Variants in RBM24 observed in about 807,000 individuals in gnomAD.
RBM24 encodes RNA binding motif protein 24, also known as RNA-binding protein 24.
RBM24 carries 5 observed loss-of-function variants against 23.6 expected under a neutral mutation model. That is an observed-to-expected ratio of 0.21 (90% CI 0.11 to 0.45). The LOEUF (loss-of-function observed/expected upper bound fraction) is 0.45. Ranked by LOEUF, RBM24 falls within the 20% of genes least tolerant of loss-of-function variation. The pLI is 0.99. For missense variants in RBM24, 252 were observed against 314.6 expected, an observed-to-expected ratio of 0.80 and a Z score of 1.51; for synonymous variants, 151 against 129.5, an observed-to-expected ratio of 1.17 and a Z score of -1.13.
chr6:17,290,118 G>A (rs1467700441), intron 3 of RBM24: 1 of 1,280,410 alleles, frequency 7.8e-7, no homozygotes, highest in East Asian at 5.6e-5. Context: ...ACTACCCTCT[G>A]AGATAAATTC....
chr6:17,284,289 A>T (rs552582102), intron 2 of RBM24, among the ~76,000 whole-genome samples: 2 of 152,202 alleles, frequency 1.3e-5, no homozygotes. Context: ...GAACGTTCCA[A>T]ATTACAAAGA....
intron 3 of RBM24, among the ~76,000 whole-genome samples, chr6:17,287,796 G>A (rs938822652): frequency 3.3e-5 from 5 of 151,560 alleles, no homozygotes; most frequent in Non-Finnish European, 5.9e-5. Flanking sequence ...GCGACAGAGC[G>A]AGACTCCATC....
Position 17,282,870 on chromosome 6 carries a change from C to G in RBM24, c.234C>G (p.Gly78=), listed in dbSNP as rs761753343. 6.2e-7 allele frequency: 1 copy of G among 1,614,058 alleles called. No homozygotes were observed. Among genetic ancestry groups the G allele is most frequent in the Non-Finnish European group, 8.5e-7 (1 of 1,180,008 alleles). The change falls in exon 2 of 4, where the codon GGC becomes GGG. Residue 78 remains glycine, a synonymous_variant. Transcript: ENST00000379052. ...AGGATCCCAATCCCATCATTGATGG[C>G]AGAAAGGCCAACGTGAACCTGGCAT... is the stretch of plus-strand genomic sequence containing the variant. ...ACKDPNPIID[G]RKANVNLAYL...
chr6:17,288,774 G>A, intron 3 of RBM24: 1 of 984,612 alleles, frequency 1.0e-6, no homozygotes, highest in African/African-American at 1.7e-5. Context: ...TGGGTTTGAG[G>A]AAAGGTGGAA....
chr6:17,287,777 C>T (rs977178418), intron 3 of RBM24, among the ~76,000 whole-genome samples: 4 of 151,690 alleles, frequency 2.6e-5, no homozygotes, highest in African/African-American at 9.7e-5. Context: ...CCACTGCACT[C>T]CAGCCTGGGC....
Position 17,293,218 on chromosome 6 carries a change from T to C in RBM24, c.*1099T>C, listed in dbSNP as rs1273875791. ...ATACTGTGCCTTAATAGTAATGCTA[T>C]TTAAGATATTTATTTTTAAGTTTTA... On this transcript the variant is annotated 3_prime_UTR_variant, in exon 4 of 4. Transcript: ENST00000379052. 2 of 152,674 alleles carry C rather than the reference T, an allele frequency of 1.3e-5. No individual in the cohort carries two copies. Among genetic ancestry groups the C allele is most frequent in the African/African-American group, 4.8e-5 (2 of 41,468 alleles). The allele number at this position is 152,674 out of a possible 1,614,324, so 9.5% of individuals were successfully genotyped here. A position where few individuals can be genotyped will look rare whatever the true frequency, so the allele number is the denominator to read the frequency against.
At chr6:17,282,416 T>G (rs571795184) in intron 1 of RBM24, 132 of 544,606 alleles carry the variant, frequency 2.4e-4, no homozygotes, top group South Asian at 4.4e-4. Context: ...TGGACTTTCT[T>G]TAAAGCAAAC....
intron 3 of RBM24, chr6:17,290,138 A>G (rs2113409946): frequency 2.4e-6 from 3 of 1,256,386 alleles, no homozygotes; most frequent in African/African-American, 1.5e-5. Context: ...CATCTTTTCC[A>G]TGGATGTTCG....
At chr6:17,288,270 G>A (rs776271459) in intron 3 of RBM24, 39 of 985,268 alleles carry the variant, frequency 4.0e-5, no homozygotes, top group Admixed American at 1.2e-4. Context: ...TAAGAAAGCC[G>A]ATAAGCACCA....
intron 2 of RBM24, 168 bp downstream of exon 2, chr6:17,283,096 T>C: frequency 1.7e-6 from 1 of 583,178 alleles, no homozygotes; most frequent in South Asian, 2.2e-5. Flanking sequence ...GAGTTGTAAA[T>C]ACTCCTCTCA....
Position 17,289,731 on chromosome 6 carries a change from T to A in RBM24, c.348-2025T>A, listed in dbSNP as rs1192286159. On this transcript the variant is annotated intron_variant, in intron 3 of 3. Coordinates refer to ENST00000379052, the MANE Select transcript of RBM24 (RefSeq NM_001143942.2). ...TGATAGATGTTTTACTTTGGCCTTA[T>A]AAAGACATTTTACCCGCTGGAAACC... is the stretch of plus-strand genomic sequence containing the variant. 5 of 1,053,724 alleles carry A rather than the reference T, an allele frequency of 4.7e-6. No individual in the cohort carries two copies. The African/African-American group carries it at 8.4e-5, about 18-fold the overall frequency. 65.3% of individuals were successfully genotyped at this position (1,053,724 alleles called of 1,614,324 possible). A position where few individuals can be genotyped will look rare whatever the true frequency, so the allele number is the denominator to read the frequency against.
At position 17,288,336 on chromosome 6, in the gene RBM24, G is replaced by A. The variant is rs992564031; in HGVS notation, c.348-3420G>A. 17 of 985,300 alleles carry A rather than the reference G, an allele frequency of 1.7e-5. No individual in the cohort carries two copies. The Admixed American group carries it at 3.7e-4, about 21-fold the overall frequency. The allele number at this position is 985,300 out of a possible 1,614,324, so 61.0% of individuals were successfully genotyped here. On this transcript the variant is annotated intron_variant, in intron 3 of 3. Coordinates refer to ENST00000379052, the MANE Select transcript of RBM24 (RefSeq NM_001143942.2). ...AGAGACGAACATCAGGACAATGAGT[G>A]GGATTCAGAAGTCTTCGTGAAGGAA...
intron 3 of RBM24, among the ~76,000 whole-genome samples, chr6:17,287,530 C>T (rs918402942): frequency 6.6e-6 from 1 of 151,990 alleles, no homozygotes; most frequent in Non-Finnish European, 1.5e-5. Context: ...TGGCCAGGTG[C>T]GGTGGCTCAT....
At chr6:17,284,745 G>A in intron 3 of RBM24, 34 bp downstream of exon 3, 1 of 1,536,174 alleles carries the variant, frequency 6.5e-7, no homozygotes, top group African/African-American at 1.4e-5. Context: ...TTAAGTTTCA[G>A]TATGACTATC....
chr6:17,288,974 T>G, intron 3 of RBM24: 1 of 985,432 alleles, frequency 1.0e-6, no homozygotes, highest in South Asian at 4.7e-5. Context: ...GATTAGGATA[T>G]TGCTTCAAAA....
intron 2 of RBM24, chr6:17,283,206 A>T (rs1760083774): frequency 1.3e-5 from 5 of 374,878 alleles, no homozygotes; most frequent in Admixed American, 3.7e-5. Flanking sequence ...ATACATTTGT[A>T]GTCTGCTCTC....
chr6:17,283,503 C>T lies in RBM24; in HGVS notation c.292+575C>T, dbSNP rs1221289661. On this transcript the variant is annotated intron_variant, in intron 2 of 3. Coordinates refer to ENST00000379052, the MANE Select transcript of RBM24 (RefSeq NM_001143942.2). ...CGCGATCTAGGCTCACTGCAACCTC[C>T]GCCTCCTGGGTTCAAGTGATTGTCC... 7.9e-5 allele frequency among the ~76,000 whole-genome samples: 12 copies of T among 152,214 alleles called. No individual in the cohort carries two copies. In the East Asian group the frequency reaches 1.9e-3, roughly 25 times the overall value.
In RBM24 at chr6:17,282,881, A is replaced by T; in HGVS notation, c.245A>T (p.Asn82Ile). ...PNPIIDGRKANVNLAYLGAKP... is the reference protein window; with the variant it reads ...PNPIIDGRKAIVNLAYLGAKP... ...CCCATCATTGATGGCAGAAAGGCCAACGTGAACCTGGCATACTTAGGAGCA... is the reference window on the plus strand; with the variant it reads ...CCCATCATTGATGGCAGAAAGGCCATCGTGAACCTGGCATACTTAGGAGCA... The change falls in exon 2 of 4, where the codon AAC becomes ATC. Residue 82 changes from asparagine (N) to isoleucine (I), a missense_variant. Transcript: ENST00000379052. The T allele has an allele frequency of 6.2e-7, 1 of 1,614,182 alleles. No individual in the cohort carries two copies. Among genetic ancestry groups the T allele is most frequent in the African/African-American group, 1.3e-5 (1 of 75,052 alleles).
chr6:17,290,169 A>G (rs1760314734), intron 3 of RBM24: 1 of 1,101,366 alleles, frequency 9.1e-7, no homozygotes, highest in African/African-American at 1.6e-5. Context: ...CTTTCAGTAA[A>G]ACTCTGAAAA....
Sources: allele counts gnomAD v4.1 joint callset (sites outside exome capture counted in the v4.1 genomes callset), GRCh38; gene constraint gnomAD v4.1.1; transcripts MANE v1.5; gene names NCBI Gene and HGNC (gene_info 2026-07-23, HGNC 2026-07-21).